Variants in GPHN observed in about 807,000 individuals in gnomAD.
The protein encoded by GPHN is gephyrin.
A neutral mutation model predicts 95.5 loss-of-function variants in GPHN; 17 were observed. The observed-to-expected ratio is 0.18, with a 90% CI of 0.12 to 0.27. The LOEUF is 0.27. GPHN is among the 10% of genes least tolerant of loss of function. The pLI is 1.00. For synonymous variants in GPHN, 320 were observed against 322.5 expected, an observed-to-expected ratio of 0.99 and a Z score of 0.08; for missense variants, 660 against 978.1, an observed-to-expected ratio of 0.67 and a Z score of 4.34.
At chr14:67,204,953 A>C in the GPHN span, 1 of 1,607,254 alleles carries the variant, frequency 6.2e-7, no homozygotes, top group Non-Finnish European at 8.5e-7. Context: ...GAGGTCCCGG[A>C]TGTAAGAATT....
the GPHN span, chr14:67,340,469 C>A: frequency 6.2e-7 from 1 of 1,613,898 alleles, no homozygotes; most frequent in Non-Finnish European, 8.5e-7. Context: ...CTCTCTCATC[C>A]AGCTCTGTGA....
chr14:67,005,716 T>G (rs1334475800), intron 9 of GPHN, among the ~76,000 whole-genome samples: 1 of 152,004 alleles, frequency 6.6e-6, no homozygotes, highest in Non-Finnish European at 1.5e-5. Flanking sequence ...ACCCTTTGAA[T>G]ATGTGTTTTT....
At chr14:67,441,599 G>T in the GPHN span, among the ~76,000 whole-genome samples, 7 of 152,140 alleles carry the variant, frequency 4.6e-5, no homozygotes, top group African/African-American at 1.7e-4. Context: ...AACATTATTT[G>T]GGGTATCCCG....
At chr14:66,514,783 A>T (rs981431920) in intron 1 of GPHN, among the ~76,000 whole-genome samples, 4 of 152,100 alleles carry the variant, frequency 2.6e-5, no homozygotes, top group Admixed American at 1.3e-4. Context: ...TGTCAATAAA[A>T]TATTTCCTAG....
intron 9 of GPHN, among the ~76,000 whole-genome samples, chr14:67,011,431 G>T (rs182058926): frequency 6.6e-6 from 1 of 151,526 alleles, no homozygotes; most frequent in Admixed American, 6.6e-5. Flanking sequence ...AAATTATCTC[G>T]GGGGGATGTC....
At chr14:67,445,477 A>G in the GPHN span, among the ~76,000 whole-genome samples, 1 of 152,186 alleles carries the variant, frequency 6.6e-6, no homozygotes, top group African/African-American at 2.4e-5. Flanking sequence ...TGTCAGTAAA[A>G]AAGCACACAT....
chr14:67,383,907 T>TAA, the GPHN span: 1 of 202,404 alleles, frequency 4.9e-6, no homozygotes, highest in African/African-American at 2.4e-5. Context: ...ATTTTAATAC[T>TAA]AAGACCCTAA....
At position 66,649,726 on chromosome 14, in the gene GPHN, A is replaced by G. The variant is rs1006492824; in HGVS notation, c.65-31381A>G. ...TTTGACTGCACAGAGACCATAGTAAATCAATTACTTGCAGACTCATTTCAA... is the reference window on the plus strand; with the variant it reads ...TTTGACTGCACAGAGACCATAGTAAGTCAATTACTTGCAGACTCATTTCAA... On this transcript the variant is annotated intron_variant, in intron 1 of 22. Coordinates refer to ENST00000478722, the MANE Select transcript of GPHN (RefSeq NM_020806.5). Among the ~76,000 whole-genome samples, 5 of 152,166 alleles carry G rather than the reference A, an allele frequency of 3.3e-5. No individual in the cohort carries two copies. The East Asian group carries it at 7.7e-4, about 23-fold the overall frequency.
chr14:66,814,324 T>C (rs910695115), intron 3 of GPHN, among the ~76,000 whole-genome samples: 1 of 152,090 alleles, frequency 6.6e-6, no homozygotes, highest in African/African-American at 2.4e-5. Flanking sequence ...AACAGCACAG[T>C]CTCTAGCAAG....
the GPHN span, among the ~76,000 whole-genome samples, chr14:67,291,329 A>G: frequency 6.6e-6 from 1 of 151,830 alleles, no homozygotes; most frequent in Admixed American, 6.6e-5. Flanking sequence ...CCTGGGTTCA[A>G]GTGATTCTCC....
the GPHN span, among the ~76,000 whole-genome samples, chr14:67,723,769 G>A: frequency 6.6e-6 from 1 of 152,264 alleles, no homozygotes; most frequent in East Asian, 1.9e-4. Context: ...GTCAGATGAT[G>A]TGCAGGAAAT....
At chr14:67,504,165 C>G in the GPHN span, among the ~76,000 whole-genome samples, 1 of 152,140 alleles carries the variant, frequency 6.6e-6, no homozygotes, top group Admixed American at 6.5e-5. Flanking sequence ...AGGCGCCCAC[C>G]ACCATGCCCA....
intron 2 of GPHN, among the ~76,000 whole-genome samples, chr14:66,701,839 T>C (rs1352041412): frequency 1.3e-5 from 2 of 152,112 alleles, no homozygotes; most frequent in Non-Finnish European, 2.9e-5. Flanking sequence ...TTTGAGATCC[T>C]TGGGGTAGGG....
At chr14:67,657,456 C>T in the GPHN span, among the ~76,000 whole-genome samples, 1 of 152,120 alleles carries the variant, frequency 6.6e-6, no homozygotes, top group African/African-American at 2.4e-5. Flanking sequence ...TTTCTAAATC[C>T]CCACCGAAGT....
chr14:67,700,329 G>T, the GPHN span, among the ~76,000 whole-genome samples: 1 of 152,120 alleles, frequency 6.6e-6, no homozygotes, highest in African/African-American at 2.4e-5. Flanking sequence ...CAAGACTACA[G>T]AATCAAGTTA....
chr14:66,965,144 T>C, intron 8 of GPHN, 47 bp from the exon 9 acceptor site: 4 of 1,533,780 alleles, frequency 2.6e-6, no homozygotes, highest in Non-Finnish European at 3.6e-6. Flanking sequence ...TTCTACATGT[T>C]ATTGACATTT....
chr14:67,067,281 T>C (rs2076098928), intron 11 of GPHN, among the ~76,000 whole-genome samples: 1 of 152,286 alleles, frequency 6.6e-6, no homozygotes, highest in African/African-American at 2.4e-5. Flanking sequence ...ACAGCAAATA[T>C]TGCATAACAG....
chr14:66,603,320 G>T lies in GPHN; in HGVS notation c.65-77787G>T, dbSNP rs188505200. On this transcript the variant is annotated intron_variant, in intron 1 of 22. Transcript: ENST00000478722. ...ATGTATACATTTTCAGGGTTTTTTT[G>T]TGTGTGTGTGGTGTATGCACACACA... Among the ~76,000 whole-genome samples the T allele has an allele frequency of 7.5e-4, 113 of 151,652 alleles. 1 individual carries two copies. Among genetic ancestry groups the T allele is most frequent in the African/African-American group, 1.5e-3 (64 of 41,458 alleles).
chr14:67,170,370 A>G (rs926309634), intron 21 of GPHN, among the ~76,000 whole-genome samples: 6 of 152,240 alleles, frequency 3.9e-5, no homozygotes, highest in African/African-American at 1.4e-4. Context: ...TCAGAGTCAT[A>G]AAGCTTAGAT....
Sources: gnomAD v4.1 joint callset for allele counts (sites outside exome capture counted in the v4.1 genomes callset) on GRCh38, gnomAD v4.1.1 for gene constraint, MANE v1.5 for transcripts, NCBI Gene and HGNC (gene_info 2026-07-23, HGNC 2026-07-21) for gene names.